Variants in SCMH1 observed in about 807,000 individuals in gnomAD.
The protein encoded by SCMH1 is Scm polycomb group protein homolog 1, also known as polycomb protein SCMH1.
SCMH1 carries 37 observed loss-of-function variants against 70.8 expected under a neutral mutation model. That is an observed-to-expected ratio of 0.52 (90% CI 0.40 to 0.69). SCMH1 has a LOEUF of 0.69. SCMH1 is among the 30% of genes least tolerant of loss of function. SCMH1 has a pLI of 0.00. For synonymous variants in SCMH1, 292 were observed against 307.4 expected (o/e 0.95, Z 0.52); for missense variants, 607 against 827.3 (o/e 0.73, Z 3.27).
chr1:41,090,300 A>C (rs553461570), intron 8 of SCMH1, among the ~76,000 whole-genome samples: 2 of 152,208 alleles, frequency 1.3e-5, no homozygotes, highest in Non-Finnish European at 2.9e-5. Flanking sequence ...TTCCAAAACA[A>C]TAAGTTTAGT....
chr1:41,227,022 A>G (rs1309077403), intron 1 of SCMH1, among the ~76,000 whole-genome samples: 1 of 152,204 alleles, frequency 6.6e-6, no homozygotes, highest in Admixed American at 6.5e-5. Context: ...ATAGTTCTGC[A>G]TCCCCATCCC....
In SCMH1 at chr1:41,217,864, T is replaced by C. The variant is rs574643149; in HGVS notation, c.-118+24195A>G. Among the ~76,000 whole-genome samples, 19 of 152,352 alleles carry C rather than the reference T, an allele frequency of 1.2e-4. No individual in the cohort carries two copies. The South Asian group carries it at 3.7e-3, about 30-fold the overall frequency. On this transcript the variant is annotated intron_variant, in intron 1 of 14. Coordinates refer to ENST00000337495, the Ensembl canonical transcript of SCMH1. ...TCAGGCTCTGAAATCTAATGCAGTTTTCCCTGCTGGGTTGTGAACTTACTT... is the reference window on the plus strand; with the variant it reads ...TCAGGCTCTGAAATCTAATGCAGTTCTCCCTGCTGGGTTGTGAACTTACTT...
chr1:41,174,035 T>C (rs1409302189), intron 2 of SCMH1, among the ~76,000 whole-genome samples: 3 of 152,176 alleles, frequency 2.0e-5, no homozygotes, highest in Non-Finnish European at 4.4e-5. Context: ...AGAGTGACTA[T>C]AATTAATGAG....
At chr1:41,169,877 TGA>T (rs1646670764) in intron 2 of SCMH1, among the ~76,000 whole-genome samples, 1 of 152,196 alleles carries the variant, frequency 6.6e-6, no homozygotes, top group Non-Finnish European at 1.5e-5. Flanking sequence ...CTCCCAGAGC[TGA>T]GAGTTTTAGG....
intron 1 of SCMH1, among the ~76,000 whole-genome samples, chr1:41,222,435 G>A (rs1026806985): frequency 1.3e-5 from 2 of 152,118 alleles, no homozygotes; most frequent in South Asian, 2.1e-4. Flanking sequence ...TATACTTACA[G>A]CTATATAAGC....
rs1653445108 is a variant in SCMH1, at chr1:41,198,050, A to G, written c.-117-11800T>C. Among the ~76,000 whole-genome samples the G allele has an allele frequency of 2.0e-5, 3 of 152,202 alleles. 1 individual carries two copies. The highest frequency in any genetic ancestry group is 2.0e-4 in the Admixed American group (3 of 15,280). ...AGTGTCTCTGGACCTCAATTTCTAC[A>G]TCTTTAAAATGGAAGTAATAGTGCC... On this transcript the variant is annotated intron_variant, in intron 1 of 14. Coordinates refer to ENST00000337495, the Ensembl canonical transcript of SCMH1.
chr1:41,094,142 A>G (rs1664438319), intron 8 of SCMH1, among the ~76,000 whole-genome samples: 1 of 152,210 alleles, frequency 6.6e-6, no homozygotes, highest in African/African-American at 2.4e-5. Flanking sequence ...GAATGTTAAG[A>G]TATCTACTCA....
At chr1:41,202,220 G>C (rs1384050355) in intron 1 of SCMH1, among the ~76,000 whole-genome samples, 1 of 152,002 alleles carries the variant, frequency 6.6e-6, no homozygotes, top group South Asian at 2.1e-4. Context: ...ATTTTTAGTA[G>C]AGACGGGGTT....
intron 10 of SCMH1, among the ~76,000 whole-genome samples, chr1:41,067,880 G>A (rs1346864333): frequency 6.6e-6 from 1 of 152,166 alleles, no homozygotes; most frequent in African/African-American, 2.4e-5. Context: ...TGATGAATGG[G>A]AGACAATGTA....
chr1:41,203,062 G>A (rs1395759536), intron 1 of SCMH1, among the ~76,000 whole-genome samples: 2 of 151,660 alleles, frequency 1.3e-5, no homozygotes, highest in African/African-American at 4.8e-5. Context: ...TTTTAATAAT[G>A]CATTTTATTT....
chr1:41,189,318 T>G (rs1231691043), intron 1 of SCMH1, among the ~76,000 whole-genome samples: 3 of 152,034 alleles, frequency 2.0e-5, no homozygotes, highest in Admixed American at 6.5e-5. Flanking sequence ...CCTGGCTAAT[T>G]TTTTGTATTT....
At chr1:41,178,305 C>A (rs1427286073) in intron 2 of SCMH1, among the ~76,000 whole-genome samples, 1 of 152,132 alleles carries the variant, frequency 6.6e-6, no homozygotes, top group Non-Finnish European at 1.5e-5. Flanking sequence ...TAAAGACCAT[C>A]GAGGCTAGGA....
chr1:41,142,008 G>A (rs1427197803), intron 6 of SCMH1, among the ~76,000 whole-genome samples: 1 of 152,120 alleles, frequency 6.6e-6, no homozygotes, highest in African/African-American at 2.4e-5. Flanking sequence ...AATTGGAGGT[G>A]GGGACAGAAA....
At chr1:41,151,780 G>T in intron 4 of SCMH1, 96 bp from the exon 5 acceptor site, 1 of 716,934 alleles carries the variant, frequency 1.4e-6, no homozygotes, top group Non-Finnish European at 2.3e-6. Context: ...TTTGTAGACT[G>T]GTTTTGAGCA....
intron 6 of SCMH1, among the ~76,000 whole-genome samples, chr1:41,131,047 G>A (rs1301098570): frequency 6.6e-6 from 1 of 151,964 alleles, no homozygotes; most frequent in Non-Finnish European, 1.5e-5. Flanking sequence ...CTTACATTTA[G>A]GTCCATGATC....
At chr1:41,058,118 CAAAAAAA>C (rs201623540) in intron 10 of SCMH1, among the ~76,000 whole-genome samples, 1 of 54,866 alleles carries the variant, frequency 1.8e-5, no homozygotes, top group East Asian at 4.2e-4. Flanking sequence ...GAGATTGTCT[CAAAAAAA>C]AAAAAAAAAA....
rs139364763 is a variant in SCMH1 at position 41,037,201 on chromosome 1, C to T, written c.1678+161G>A. Among the ~76,000 whole-genome samples the T allele has an allele frequency of 6.4e-3, 978 of 152,236 alleles. 14 individuals carry two copies. The highest frequency in any genetic ancestry group is 0.023 in the African/African-American group (942 of 41,496). On this transcript the variant is annotated intron_variant, in intron 13 of 14. Coordinates refer to ENST00000337495, the Ensembl canonical transcript of SCMH1. ...AAGCCAATCCTGGAGCTCCAATTAC[C>T]TCCCAGGTGCAAGGCCAGGCACAAG...
chr1:41,128,837 G>A (rs1270423704), intron 6 of SCMH1, among the ~76,000 whole-genome samples: 1 of 151,906 alleles, frequency 6.6e-6, no homozygotes, highest in Non-Finnish European at 1.5e-5. Flanking sequence ...TTCTTTTTCA[G>A]TTCTTTTTCT....
At chr1:41,150,207 T>G (rs1644941614) in intron 5 of SCMH1, among the ~76,000 whole-genome samples, 1 of 152,144 alleles carries the variant, frequency 6.6e-6, no homozygotes, top group Non-Finnish European at 1.5e-5. Flanking sequence ...TTTAGTGACT[T>G]AAAAACCATT....
Sources: gnomAD v4.1 joint callset for allele counts (sites outside exome capture counted in the v4.1 genomes callset) on GRCh38, gnomAD v4.1.1 for gene constraint, MANE v1.5 for transcripts, NCBI Gene and HGNC (gene_info 2026-07-23, HGNC 2026-07-21) for gene names.